Variants in RAB40C observed in about 807,000 individuals in gnomAD.
RAB40C encodes the protein RAB40C, member RAS oncogene family.
A neutral mutation model predicts 28.1 loss-of-function variants in RAB40C; 8 were observed. The observed-to-expected ratio is 0.28, with a 90% confidence interval of 0.17 to 0.51. The LOEUF (loss-of-function observed/expected upper bound fraction) is 0.51, where lower values mean the gene tolerates loss of function less well. Among genes scored for constraint, RAB40C ranks in the 20% least tolerant of loss-of-function variants. The pLI is 0.97. For synonymous variants in RAB40C, 201 were observed against 171.7 expected (o/e 1.17, Z -1.34); for missense variants, 288 against 405.9 (o/e 0.71, Z 2.50).
chr16:592,507 G>A lies in RAB40C; in HGVS notation c.142+2074G>A, dbSNP rs577081754. Among the ~76,000 whole-genome samples the A allele has an allele frequency of 6.6e-5, 10 of 152,292 alleles. No individual in the cohort carries two copies. In the South Asian group the frequency reaches 2.1e-3, roughly 32 times the overall value. On this transcript the variant is annotated intron_variant, in intron 1 of 5. Coordinates refer to ENST00000248139, the MANE Select transcript of RAB40C (RefSeq NM_021168.5). ...AGTGTAAGGCCCACTGGGGCATTGG[G>A]GGCTCACACGTTAGGCCCCTGCACC...
chr16:605,649 G>A (rs1175853830), intron 1 of RAB40C, among the ~76,000 whole-genome samples: 1 of 152,148 alleles, frequency 6.6e-6, no homozygotes, highest in Non-Finnish European at 1.5e-5. Context: ...CCTTCCCCGC[G>A]CCGAGTGGTC....
At chr16:601,814 GTAAAAAA>G (rs2036255468) in intron 1 of RAB40C, among the ~76,000 whole-genome samples, 1 of 8,438 alleles carries the variant, frequency 1.2e-4, no homozygotes, top group African/African-American at 4.8e-4. Context: ...GCAAAAAAAA[GTAAAAAA>G]AAAAAAAAAA....
At chr16:600,161 G>C (rs1368861107) in intron 1 of RAB40C, among the ~76,000 whole-genome samples, 1 of 152,216 alleles carries the variant, frequency 6.6e-6, no homozygotes, top group Non-Finnish European at 1.5e-5. Flanking sequence ...GGTGGCACCT[G>C]CGTCCTGGGC....
In RAB40C at chr16:627,797, C is replaced by T. The variant is rs908930271; in HGVS notation, c.*175C>T. 1.3e-4 allele frequency: 101 copies of T among 766,084 alleles called. No homozygotes were observed. Among genetic ancestry groups the T allele is most frequent in the South Asian group, 5.2e-4 (16 of 30,614 alleles). The allele number at this position is 766,084 out of a possible 1,614,324, so 47.5% of individuals were successfully genotyped here. A position where few individuals can be genotyped will look rare whatever the true frequency, so the allele number is the denominator to read the frequency against. On this transcript the variant is annotated 3_prime_UTR_variant, in exon 6 of 6. Transcript: ENST00000248139. ...AGGAGGAGCATGCACGGACCAAGCG[C>T]GGCAGGCGGGAGGAGGGGGCGCGGC...
chr16:590,291 C>T lies in RAB40C; in HGVS notation c.-1C>T, dbSNP rs1018556631. The stretch of plus-strand genomic sequence containing the variant: ...CGGCGCGGGGCGCAGGCGGCGCGGC[C>T]ATGGGCTCGCAGGGCAGTCCGGTGA... On this transcript the variant is annotated 5_prime_UTR_variant, in exon 1 of 6. Transcript: ENST00000248139. 1 of 1,529,610 alleles carries T rather than the reference C, an allele frequency of 6.5e-7. No individual in the cohort carries two copies. Among genetic ancestry groups the T allele is most frequent in the African/African-American group, 1.4e-5 (1 of 69,464 alleles). 94.8% of individuals were successfully genotyped at this position (1,529,610 alleles called of 1,614,324 possible).
chr16:624,236 G>A (rs2036780691), intron 3 of RAB40C: 1 of 985,414 alleles, frequency 1.0e-6, no homozygotes, highest in South Asian at 4.7e-5. Flanking sequence ...AGTGGGCTGT[G>A]TTGTACGCTT....
intron 3 of RAB40C, 54 bp downstream of exon 3, chr16:618,314 C>T (rs933609435): frequency 1.3e-6 from 2 of 1,514,916 alleles, no homozygotes; most frequent in Admixed American, 4.1e-5. Flanking sequence ...TCTCCTGATT[C>T]TTTCTGAATG....
intron 3 of RAB40C, among the ~76,000 whole-genome samples, chr16:620,769 G>A (rs1287240514): frequency 9.7e-6 from 1 of 103,182 alleles, no homozygotes; most frequent in Non-Finnish European, 1.9e-5. Flanking sequence ...CCCCGCCGAC[G>A]GGCTCCACCG....
At chr16:598,303 A>G (rs926845736) in intron 1 of RAB40C, among the ~76,000 whole-genome samples, 1 of 151,610 alleles carries the variant, frequency 6.6e-6, no homozygotes, top group African/African-American at 2.4e-5. Context: ...GCGTGAATCC[A>G]GGAGGCAGAG....
At chr16:601,208 A>T (rs1322069111) in intron 1 of RAB40C, among the ~76,000 whole-genome samples, 1 of 152,166 alleles carries the variant, frequency 6.6e-6, no homozygotes, top group Admixed American at 6.5e-5. Context: ...AGTACCAAAA[A>T]CTATGATTTT....
At chr16:599,330 G>A (rs2036200376) in intron 1 of RAB40C, among the ~76,000 whole-genome samples, 1 of 152,224 alleles carries the variant, frequency 6.6e-6, no homozygotes, top group Non-Finnish European at 1.5e-5. Context: ...CGTGTCGGCC[G>A]GCCACAGCCC....
At chr16:601,997 G>A (rs1175237977) in intron 1 of RAB40C, among the ~76,000 whole-genome samples, 1 of 151,794 alleles carries the variant, frequency 6.6e-6, no homozygotes, top group Non-Finnish European at 1.5e-5. Flanking sequence ...GTGGTGTCGG[G>A]CACCTGTAAT....
upstream of RAB40C, chr16:589,392 C>G (rs1359308678): frequency 1.3e-5 from 2 of 152,288 alleles, no homozygotes; most frequent in African/African-American, 4.8e-5. Context: ...TCCGAGGGTT[C>G]TGCGGAAGCA....
chr16:614,164 C>T (rs879306666), intron 1 of RAB40C, among the ~76,000 whole-genome samples: 6 of 142,014 alleles, frequency 4.2e-5, no homozygotes, highest in African/African-American at 1.6e-4. Context: ...TACCGCATCC[C>T]GATGGTGAAC....
Position 627,824 on chromosome 16 carries a change from G to A in RAB40C, c.*202G>A. 1.8e-6 allele frequency: 1 copy of A among 551,622 alleles called. No homozygotes were observed. The highest frequency in any genetic ancestry group is 3.3e-5 in the East Asian group (1 of 30,290). 34.2% of individuals were successfully genotyped at this position (551,622 alleles called of 1,614,324 possible). On this transcript the variant is annotated 3_prime_UTR_variant, in exon 6 of 6. Coordinates refer to ENST00000248139, the MANE Select transcript of RAB40C (RefSeq NM_021168.5). The stretch of plus-strand genomic sequence containing the variant: ...GCAGGCGGGAGGAGGGGGCGCGGCT[G>A]GGCTGCTGGTGCTTCCGGGAATCTT...
chr16:624,489 T>C (rs1193079702), intron 3 of RAB40C: 3 of 985,388 alleles, frequency 3.0e-6, no homozygotes, highest in Non-Finnish European at 3.6e-6. Flanking sequence ...AGCTTAGTAA[T>C]GTCAACCTTG....
intron 1 of RAB40C, among the ~76,000 whole-genome samples, chr16:611,782 C>T (rs1319871420): frequency 3.2e-5 from 2 of 63,186 alleles, no homozygotes; most frequent in Admixed American, 3.5e-4. Context: ...GCCGCCCTGG[C>T]CTGTAGAATC....
chr16:596,747 A>G (rs1241247312), intron 1 of RAB40C, among the ~76,000 whole-genome samples: 1 of 152,170 alleles, frequency 6.6e-6, no homozygotes, highest in African/African-American at 2.4e-5. Context: ...TGCCAAGACC[A>G]TGGGCTGTGG....
At chr16:594,561 C>G (rs545414122) in intron 1 of RAB40C, among the ~76,000 whole-genome samples, 1 of 152,154 alleles carries the variant, frequency 6.6e-6, no homozygotes, top group Non-Finnish European at 1.5e-5. Flanking sequence ...GCTTGAAGTT[C>G]GTGGCTCCGA....
Sources: gnomAD v4.1 joint callset for allele counts (sites outside exome capture counted in the v4.1 genomes callset) on GRCh38, gnomAD v4.1.1 for gene constraint, MANE v1.5 for transcripts, NCBI Gene and HGNC (gene_info 2026-07-23, HGNC 2026-07-21) for gene names.